SEC61A2: variants seen among roughly 807,000 people sequenced by gnomAD.
SEC61A2 encodes the protein SEC61 translocon subunit alpha 2.
A neutral mutation model predicts 59.9 loss-of-function variants in SEC61A2; 28 were observed. That is an observed-to-expected ratio of 0.47 (90% CI 0.35 to 0.64). The LOEUF is 0.64. Among genes scored for constraint, SEC61A2 ranks in the 30% least tolerant of loss-of-function variants. SEC61A2 has a pLI of 0.01. For synonymous variants in SEC61A2, 202 were observed against 214.4 expected, an observed-to-expected ratio of 0.94 and a Z score of 0.50; for missense variants, 340 against 585.9, an observed-to-expected ratio of 0.58 and a Z score of 4.33.
Position 12,155,322 on chromosome 10 carries a change from C to A in SEC61A2, c.463-456C>A. On this transcript the variant is annotated intron_variant, in intron 6 of 11. Coordinates refer to ENST00000298428, the MANE Select transcript of SEC61A2 (RefSeq NM_018144.4). This position sits in a 1 kb window ranked among gnomAD's most constrained non-coding sequence, Gnocchi z 4.3. Reference sequence around the variant, plus strand: ...TGCTTTTTTCAAAGGATCAACACAGCCCTTAGACTTATCCTTTGATGGCAG... The same window carrying A: ...TGCTTTTTTCAAAGGATCAACACAGACCTTAGACTTATCCTTTGATGGCAG... 1 of 1,575,996 alleles carries A rather than the reference C, an allele frequency of 6.3e-7. No individual in the cohort carries two copies. Among genetic ancestry groups the A allele is most frequent in the Non-Finnish European group, 8.6e-7 (1 of 1,162,476 alleles).
At position 12,129,743 on chromosome 10, in the gene SEC61A2, A is replaced by T. The variant is rs758005366; in HGVS notation, c.-45A>T. The T allele has an allele frequency of 1.1e-5, 16 of 1,487,354 alleles. No homozygotes were observed. The East Asian group carries it at 4.4e-4, about 41-fold the overall frequency. 92.1% of individuals were successfully genotyped at this position (1,487,354 alleles called of 1,614,324 possible). A position where few individuals can be genotyped will look rare whatever the true frequency, so the allele number is the denominator to read the frequency against. Reference sequence around the variant, plus strand: ...CGAGCCGCGGGAGTCGAGCGAAGGCAGCGCCGAGGCCGCGGTTTCCCCCTG... The same window carrying T: ...CGAGCCGCGGGAGTCGAGCGAAGGCTGCGCCGAGGCCGCGGTTTCCCCCTG... On this transcript the variant is annotated 5_prime_UTR_variant, in exon 1 of 12. Coordinates refer to ENST00000298428, the MANE Select transcript of SEC61A2 (RefSeq NM_018144.4). The surrounding 1 kb of genome is among the most constrained non-coding windows in gnomAD (Gnocchi z 5.6).
rs1421628176 is a variant in SEC61A2, at chr10:12,143,318, G to A, written c.220+123G>A. 4 of 747,588 alleles carry A rather than the reference G, an allele frequency of 5.4e-6. No homozygotes were observed. The highest frequency in any genetic ancestry group is 9.6e-6 in the Non-Finnish European group (4 of 416,276). 46.3% of individuals were successfully genotyped at this position (747,588 alleles called of 1,614,324 possible). ...GGATATCATTGCCTAGAAAAGCCTAGTATGTAGATAATGACAACACCGTGT... is the reference window on the plus strand; with the variant it reads ...GGATATCATTGCCTAGAAAAGCCTAATATGTAGATAATGACAACACCGTGT... On this transcript the variant is annotated intron_variant, in intron 4 of 11. Transcript: ENST00000298428. The surrounding 1 kb of genome is among the most constrained non-coding windows in gnomAD (Gnocchi z 4.8).
rs1015529899 is a variant in SEC61A2 at position 12,155,734 on chromosome 10, G to C, written c.463-44G>C. 1 of 1,611,178 alleles carries C rather than the reference G, an allele frequency of 6.2e-7. No homozygotes were observed. The highest frequency in any genetic ancestry group is 8.5e-7 in the Non-Finnish European group (1 of 1,177,528). On this transcript the variant is annotated intron_variant, in intron 6 of 11. Coordinates refer to ENST00000298428, the MANE Select transcript of SEC61A2 (RefSeq NM_018144.4). The surrounding 1 kb of genome is among the most constrained non-coding windows in gnomAD (Gnocchi z 4.3). ...AATGGTGTTCCTCTCCCCCTTTCTT[G>C]AGTTTGTTCTTGCTTCCGCTTACTT... is the stretch of plus-strand genomic sequence containing the variant.
rs146827112 is a variant in SEC61A2 at position 12,158,088 on chromosome 10, T to C, written c.958T>C (p.Leu320=). ...ATTTAGTGGCAACTTTTTAGTAAATTTACTAGGACAGTGGGCCGTGAGTAT... is the reference window on the plus strand; with the variant it reads ...ATTTAGTGGCAACTTTTTAGTAAATCTACTAGGACAGTGGGCCGTGAGTAT... The part of the protein sequence containing the change: ...VRFSGNFLVN[L]LGQWADVSGG... Residue 320 remains leucine (L), a synonymous_variant, in exon 9 of 12, where the codon TTA becomes CTA. Coordinates refer to ENST00000298428, the MANE Select transcript of SEC61A2 (RefSeq NM_018144.4). This position sits in a 1 kb window ranked among gnomAD's most constrained non-coding sequence, Gnocchi z 5.7. The C allele has an allele frequency of 6.2e-7, 1 of 1,613,176 alleles. No individual in the cohort carries two copies. The highest frequency in any genetic ancestry group is 8.5e-7 in the Non-Finnish European group (1 of 1,179,064).
Position 12,154,840 on chromosome 10 carries a change from C to T in SEC61A2, c.463-938C>T, listed in dbSNP as rs925672369. Among the ~76,000 whole-genome samples the T allele has an allele frequency of 2.0e-5, 3 of 152,040 alleles. No homozygotes were observed. Among genetic ancestry groups the T allele is most frequent in the African/African-American group, 7.2e-5 (3 of 41,384 alleles). On this transcript the variant is annotated intron_variant, in intron 6 of 11. Coordinates refer to ENST00000298428, the MANE Select transcript of SEC61A2 (RefSeq NM_018144.4). This position sits in a 1 kb window ranked among gnomAD's most constrained non-coding sequence, Gnocchi z 5.2. Reference sequence around the variant, plus strand: ...AAAGTGAGTACAAAATGAGGGTGGGCGGCTTGAGAGCTGGGAGGAATGGAA... The same window carrying T: ...AAAGTGAGTACAAAATGAGGGTGGGTGGCTTGAGAGCTGGGAGGAATGGAA...
chr10:12,135,218 C>T (rs768044376), intron 2 of SEC61A2, among the ~76,000 whole-genome samples: 13 of 152,004 alleles, frequency 8.6e-5, no homozygotes, highest in Non-Finnish European at 1.0e-4. Flanking sequence ...AAAACCTAGA[C>T]GACAAGTTGA....
chr10:12,131,343 G>T (rs1043919403), intron 1 of SEC61A2, among the ~76,000 whole-genome samples: 1 of 152,134 alleles, frequency 6.6e-6, no homozygotes, highest in Admixed American at 6.6e-5. Context: ...AAGAAAAGCC[G>T]CAGAGCCTAA....
At chr10:12,137,992 C>G (rs562069899) in intron 3 of SEC61A2, among the ~76,000 whole-genome samples, 1 of 151,964 alleles carries the variant, frequency 6.6e-6, no homozygotes, top group Non-Finnish European at 1.5e-5. Flanking sequence ...GGCAACAGAG[C>G]GAGATGCTGT....
Position 12,153,903 on chromosome 10 carries a change from G to A in SEC61A2, c.463-1875G>A. 8.0e-7 allele frequency: 1 copy of A among 1,244,538 alleles called. No individual in the cohort carries two copies. Among genetic ancestry groups the A allele is most frequent in the East Asian group, 2.7e-5 (1 of 37,204 alleles). The allele number at this position is 1,244,538 out of a possible 1,614,324, so 77.1% of individuals were successfully genotyped here. A position where few individuals can be genotyped will look rare whatever the true frequency, so the allele number is the denominator to read the frequency against. Reference sequence around the variant, plus strand: ...TCACGTGGTTAGTGTTTTTCAGCTAGTGAGTTTAGAAATCTACATAGCAGG... The same window carrying A: ...TCACGTGGTTAGTGTTTTTCAGCTAATGAGTTTAGAAATCTACATAGCAGG... On this transcript the variant is annotated intron_variant, in intron 6 of 11. Transcript: ENST00000298428. This position sits in a 1 kb window ranked among gnomAD's most constrained non-coding sequence, Gnocchi z 5.2.
intron 2 of SEC61A2, among the ~76,000 whole-genome samples, chr10:12,134,341 G>A (rs1024491397): frequency 6.6e-6 from 1 of 151,328 alleles, no homozygotes; most frequent in Non-Finnish European, 1.5e-5. Flanking sequence ...TGTAAAAATA[G>A]TTGTTCCATT....
At chr10:12,166,613 G>A (rs1334918733), downstream of SEC61A2, 2 of 391,476 alleles carry the variant, frequency 5.1e-6, no homozygotes, top group African/African-American at 2.1e-5. Context: ...CCTTTCATAT[G>A]GTTCTCAGGG....
In SEC61A2 at chr10:12,129,885, G is replaced by T; in HGVS notation, c.7+91G>T. The T allele has an allele frequency of 3.4e-6, 4 of 1,188,184 alleles. No individual in the cohort carries two copies. The highest frequency in any genetic ancestry group is 3.3e-6 in the Non-Finnish European group (3 of 919,720). 73.6% of individuals were successfully genotyped at this position (1,188,184 alleles called of 1,614,324 possible). A position where few individuals can be genotyped will look rare whatever the true frequency, so the allele number is the denominator to read the frequency against. On this transcript the variant is annotated intron_variant, in intron 1 of 11. Coordinates refer to ENST00000298428, the MANE Select transcript of SEC61A2 (RefSeq NM_018144.4). This position sits in a 1 kb window ranked among gnomAD's most constrained non-coding sequence, Gnocchi z 5.6. ...GTGGGGCTGGCGCTCGCTCGGAGTC[G>T]TGGGGGCCAGGGATGCGCGGGCCGC...
chr10:12,139,175 T>C (rs1833952501), intron 3 of SEC61A2, among the ~76,000 whole-genome samples: 1 of 151,886 alleles, frequency 6.6e-6, no homozygotes, highest in Non-Finnish European at 1.5e-5. Flanking sequence ...TTGGACAGGC[T>C]GTTCTTGAAC....
chr10:12,150,064 T>A (rs1465878961), intron 6 of SEC61A2, 103 bp downstream of exon 6: 12 of 772,854 alleles, frequency 1.6e-5, no homozygotes, highest in Non-Finnish European at 2.3e-5. Context: ...TTTCTTACTT[T>A]TGAATTATTT....
In SEC61A2 at chr10:12,129,889, G is replaced by A. The variant is rs1376782611; in HGVS notation, c.7+95G>A. On this transcript the variant is annotated intron_variant, in intron 1 of 11. Transcript: ENST00000298428. The surrounding 1 kb of genome is among the most constrained non-coding windows in gnomAD (Gnocchi z 5.6). Reference sequence around the variant, plus strand: ...GGCTGGCGCTCGCTCGGAGTCGTGGGGGCCAGGGATGCGCGGGCCGCTCCG... The same window carrying A: ...GGCTGGCGCTCGCTCGGAGTCGTGGAGGCCAGGGATGCGCGGGCCGCTCCG... 2.6e-5 allele frequency: 30 copies of A among 1,158,830 alleles called. No homozygotes were observed. Among genetic ancestry groups the A allele is most frequent in the Non-Finnish European group, 3.2e-5 (29 of 896,856 alleles). 71.8% of individuals were successfully genotyped at this position (1,158,830 alleles called of 1,614,324 possible).
rs1386774319 is a variant in SEC61A2, at chr10:12,149,756, T to C, written c.352+30T>C. The C allele has an allele frequency of 6.2e-7, 1 of 1,606,234 alleles. No individual in the cohort carries two copies. Among genetic ancestry groups the C allele is most frequent in the Non-Finnish European group, 8.5e-7 (1 of 1,175,822 alleles). On this transcript the variant is annotated intron_variant, in intron 5 of 11. Transcript: ENST00000298428. This position sits in a 1 kb window ranked among gnomAD's most constrained non-coding sequence, Gnocchi z 5.2. ...GCATTAATGCAATTAAAGAGCATTC[T>C]CCAAATTTGAGAGTGCTCGTGGTAA... is the stretch of plus-strand genomic sequence containing the variant.
rs1406692998 is a variant in SEC61A2 at position 12,136,138 on chromosome 10, A to G, written c.109A>G (p.Ile37Val). Residue 37 changes from isoleucine to valine, a missense_variant, in exon 3 of 12, where the codon ATA becomes GTA. Physicochemically the swap from Ile to Val is conservative, Grantham distance 29. Around this residue, in one of 3 missense-constraint regions of SEC61A2, gnomAD observed 41 missense variants for 47.6 expected, o/e 0.86. Transcript: ENST00000298428. Reference sequence around the variant, plus strand: ...TAGAGAGAAGGTTCTGTGGACTGCTATAACGCTCTTCATTTTCTTAGTGTG... The same window carrying G: ...TAGAGAGAAGGTTCTGTGGACTGCTGTAACGCTCTTCATTTTCTTAGTGTG... The part of the protein sequence containing the change: ...QFREKVLWTA[I>V]TLFIFLVCCQ... 1.2e-6 allele frequency: 2 copies of G among 1,603,622 alleles called. No individual in the cohort carries two copies. The highest frequency in any genetic ancestry group is 1.7e-6 in the Non-Finnish European group (2 of 1,170,478).
At chr10:12,132,933 C>T (rs1833793842) in intron 1 of SEC61A2, among the ~76,000 whole-genome samples, 1 of 152,176 alleles carries the variant, frequency 6.6e-6, no homozygotes, top group African/African-American at 2.4e-5. Flanking sequence ...GCCCTTTGAA[C>T]AGCCCCCTTT....
At chr10:12,140,160 G>A (rs553862278) in intron 3 of SEC61A2, among the ~76,000 whole-genome samples, 1 of 152,264 alleles carries the variant, frequency 6.6e-6, no homozygotes, top group South Asian at 2.1e-4. Context: ...AGAGGTTTCT[G>A]TGTAGCCAAT....
Sources: allele counts gnomAD v4.1 joint callset (sites outside exome capture counted in the v4.1 genomes callset), GRCh38; gene constraint gnomAD v4.1.1; regional missense constraint gnomAD v4.1.1; non-coding constraint Gnocchi (gnomAD v3.1); transcripts MANE v1.5; gene names NCBI Gene and HGNC (gene_info 2026-07-23, HGNC 2026-07-21).